Variants in TLN2 observed in about 807,000 individuals in gnomAD.
TLN2 encodes the protein talin 2, also known as talin-2.
In TLN2, 118 loss-of-function variants were observed where a neutral mutation model predicts 294.7. The ratio of observed to expected loss-of-function variants is 0.40; its 90% CI spans 0.34 to 0.47. The LOEUF (loss-of-function observed/expected upper bound fraction) is 0.47. Ranked by LOEUF, TLN2 falls within the 20% of genes least tolerant of loss-of-function variation. TLN2 has a pLI of 0.84. For synonymous variants in TLN2, 1,431 were observed against 1,304.5 expected (o/e 1.10, Z -2.09); for missense variants, 3,083 against 3,282.2 (o/e 0.94, Z 1.48).
intron 12 of TLN2, among the ~76,000 whole-genome samples, chr15:62,689,078 T>G (rs2057549188): frequency 6.6e-6 from 1 of 151,784 alleles, no homozygotes; most frequent in South Asian, 2.1e-4. Flanking sequence ...CTTTTTTTTT[T>G]TTTTTTTGCC....
intron 9 of TLN2, among the ~76,000 whole-genome samples, chr15:62,667,439 C>T (rs2054847624): frequency 6.6e-6 from 1 of 152,162 alleles, no homozygotes; most frequent in African/African-American, 2.4e-5. Flanking sequence ...GATGCTGTCC[C>T]TATTGTACCT....
chr15:62,764,217 C>T (rs1229483253), intron 40 of TLN2, among the ~76,000 whole-genome samples: 2 of 152,126 alleles, frequency 1.3e-5, no homozygotes, highest in African/African-American at 4.8e-5. Flanking sequence ...CCACTTTGCC[C>T]TTTCTTGCTT....
rs769191011 is a variant in TLN2, at chr15:62,708,714, C to G, written c.2385C>G (p.Gly795=). The G allele has an allele frequency of 5.0e-6, 8 of 1,613,268 alleles. No homozygotes were observed. The highest frequency in any genetic ancestry group is 5.1e-6 in the Non-Finnish European group (6 of 1,180,026). ...ATGTGCGGCAGTTTGCCAGCCGAGG[C>G]GAGCCCATCGGCCGCTACGACCAGG... The part of the protein sequence containing the change: ...LQHVRQFASR[G]EPIGRYDQAT... Residue 795 remains glycine (G), a synonymous_variant, in exon 21 of 59, where the codon GGC becomes GGG. Transcript: ENST00000636159.
chr15:62,455,754 A>G (rs1309046611), intron 1 of TLN2, among the ~76,000 whole-genome samples: 3 of 152,110 alleles, frequency 2.0e-5, no homozygotes, highest in Non-Finnish European at 2.9e-5. Flanking sequence ...CTGGGACTCC[A>G]TATGCCTTGA....
intron 3 of TLN2, among the ~76,000 whole-genome samples, chr15:62,628,688 G>C (rs1047857051): frequency 2.0e-5 from 3 of 152,230 alleles, no homozygotes; most frequent in Non-Finnish European, 4.4e-5. Context: ...CACTGGAGCA[G>C]AAGGTTGCAT....
chr15:62,799,528 T>C (rs2065778243), intron 48 of TLN2, among the ~76,000 whole-genome samples: 1 of 152,234 alleles, frequency 6.6e-6, no homozygotes, highest in African/African-American at 2.4e-5. Flanking sequence ...TCCAGGTTTA[T>C]GTGGGAACGT....
chr15:62,825,759 ATAAT>A (rs1469709745), intron 54 of TLN2, among the ~76,000 whole-genome samples: 1 of 96,638 alleles, frequency 1.0e-5, no homozygotes, highest in Non-Finnish European at 1.8e-5. Context: ...AAATATAATT[ATAAT>A]TATATATTAT....
At chr15:62,562,906 T>TCACACACA (rs61578830) in intron 1 of TLN2, among the ~76,000 whole-genome samples, 996 of 99,286 alleles carry the variant, frequency 0.01, 20 homozygotes, top group Middle Eastern at 0.014. Context: ...TAGTATTCCA[T>TCACACACA]CACACACACA....
intron 3 of TLN2, chr15:62,638,642 A>T (rs2050652926): frequency 2.2e-6 from 1 of 455,714 alleles, no homozygotes; most frequent in African/African-American, 2.0e-5. Flanking sequence ...ATAGTATCAA[A>T]GGTCTTTTCT....
At chr15:62,445,257 A>C (rs1262030560) in intron 1 of TLN2, among the ~76,000 whole-genome samples, 1 of 152,210 alleles carries the variant, frequency 6.6e-6, no homozygotes, top group Non-Finnish European at 1.5e-5. Flanking sequence ...CTGTGGCTTT[A>C]CAGTGACCTC....
chr15:62,749,774 C>A (rs1054863655), intron 33 of TLN2, among the ~76,000 whole-genome samples: 14 of 152,206 alleles, frequency 9.2e-5, no homozygotes, highest in Non-Finnish European at 1.9e-4. Flanking sequence ...CATTACAATG[C>A]CATGACAGAG....
At chr15:62,457,315 A>T (rs1053785886) in intron 1 of TLN2, among the ~76,000 whole-genome samples, 2 of 152,156 alleles carry the variant, frequency 1.3e-5, no homozygotes, top group Non-Finnish European at 2.9e-5. Context: ...TCCTCTTAAC[A>T]GGGCACTAAC....
intron 1 of TLN2, among the ~76,000 whole-genome samples, chr15:62,398,815 T>C (rs985308583): frequency 7.9e-5 from 12 of 152,170 alleles, no homozygotes; most frequent in African/African-American, 2.9e-4. Flanking sequence ...CATAAAAGTT[T>C]AGAAGATTTG....
At chr15:62,631,446 CTTCCT>C (rs2049810000) in intron 3 of TLN2, among the ~76,000 whole-genome samples, 4 of 150,348 alleles carry the variant, frequency 2.7e-5, no homozygotes, top group Non-Finnish European at 5.9e-5. Context: ...TCCTTTCTTC[CTTCCT>C]TTCTCTTTCT....
chr15:62,616,928 G>A (rs1333036054), intron 2 of TLN2, among the ~76,000 whole-genome samples: 2 of 152,146 alleles, frequency 1.3e-5, no homozygotes, highest in Non-Finnish European at 2.9e-5. Flanking sequence ...TGTGACTGGT[G>A]TGATCCTTCC....
intron 1 of TLN2, among the ~76,000 whole-genome samples, chr15:62,458,518 A>G (rs1305173029): frequency 2.0e-5 from 3 of 149,708 alleles, no homozygotes; most frequent in African/African-American, 4.9e-5. Flanking sequence ...TCTAGGAGGG[A>G]GAGAGATTCC....
chr15:62,573,385 A>G (rs2044085710), intron 1 of TLN2, among the ~76,000 whole-genome samples: 1 of 151,744 alleles, frequency 6.6e-6, no homozygotes, highest in Non-Finnish European at 1.5e-5. Context: ...ATCATTAGAG[A>G]TGGGTGCCAG....
intron 39 of TLN2, 60 bp from the exon 40 acceptor site, chr15:62,763,503 A>G (rs1473350041): frequency 6.5e-6 from 10 of 1,546,234 alleles, no homozygotes; most frequent in Non-Finnish European, 8.8e-6. Context: ...CCAGTGCTGG[A>G]GCAGGCTGTG....
intron 17 of TLN2, among the ~76,000 whole-genome samples, chr15:62,701,755 C>T (rs551004351): frequency 1.3e-5 from 2 of 152,300 alleles, no homozygotes; most frequent in East Asian, 1.9e-4. Context: ...GAGACATCCT[C>T]TGGATTTTTA....
Sources: gnomAD v4.1 joint callset for allele counts (sites outside exome capture counted in the v4.1 genomes callset) on GRCh38, gnomAD v4.1.1 for gene constraint, MANE v1.5 for transcripts, NCBI Gene and HGNC (gene_info 2026-07-23, HGNC 2026-07-21) for gene names.